The following RABGGTA variants were observed in gnomAD, a reference collection of about 807,000 sequenced individuals.
RABGGTA encodes the protein Rab geranylgeranyltransferase subunit alpha.
RABGGTA carries 69 observed loss-of-function variants against 83.3 expected under a neutral mutation model. That is an observed-to-expected ratio of 0.83 (90% CI 0.68 to 1.01). The LOEUF (loss-of-function observed/expected upper bound fraction) is 1.01. Ranked by LOEUF, RABGGTA falls within the 50% of genes least tolerant of loss-of-function variation. The pLI is 0.00. For missense variants in RABGGTA, 681 were observed against 712.7 expected, an observed-to-expected ratio of 0.96 and a Z score of 0.51; for synonymous variants, 310 against 299.8, an observed-to-expected ratio of 1.03 and a Z score of -0.35.
At chr14:24,270,303 C>T (rs771077686) in intron 4 of RABGGTA, 31 bp downstream of exon 4, 1 of 1,611,092 alleles carries the variant, frequency 6.2e-7, no homozygotes, top group African/African-American at 1.3e-5. Context: ...AGGGCCAGGG[C>T]AGTCTTCTGA....
chr14:24,267,038 T>C (rs560245502), intron 14 of RABGGTA, 149 bp from the exon 15 acceptor site: 2 of 646,406 alleles, frequency 3.1e-6, no homozygotes, highest in Non-Finnish European at 2.8e-6. Context: ...TGTGGGAAGC[T>C]GACCTTACAG....
At chr14:24,268,276 A>C in intron 11 of RABGGTA, 78 bp from the exon 12 acceptor site, 1 of 1,607,802 alleles carries the variant, frequency 6.2e-7, no homozygotes, top group Non-Finnish European at 8.5e-7. Context: ...ATCTAGACTG[A>C]AACAGCTCCT....
chr14:24,268,345 T>C (rs765946385), intron 11 of RABGGTA, 24 bp downstream of exon 11: 1 of 1,612,722 alleles, frequency 6.2e-7, no homozygotes, highest in Non-Finnish European at 8.5e-7. Flanking sequence ...CCCCTCTCCT[T>C]GTTTTGTGCT....
intron 14 of RABGGTA, 44 bp downstream of exon 14, chr14:24,267,616 C>A (rs758313709): frequency 2.0e-6 from 3 of 1,521,292 alleles, no homozygotes; most frequent in Non-Finnish European, 2.7e-6. Flanking sequence ...GTGGGGAGGC[C>A]AGCGGGATGA....
Position 24,269,108 on chromosome 14 carries a change from C to T in RABGGTA, c.687G>A (p.Trp229Ter). 2 of 1,611,520 alleles carry T rather than the reference C, an allele frequency of 1.2e-6. No individual in the cohort carries two copies. Among genetic ancestry groups the T allele is most frequent in the Non-Finnish European group, 1.7e-6 (2 of 1,178,802 alleles). ...GGCCTAGGAGCCAACGGTGATAAAA[C>T]CAGGCACTCTGGTCATTGGGGTCAG... ...FFTDPNDQSA[W>*]FYHRWLLGRA... Residue 229 changes from tryptophan to a stop codon, truncating the protein, a stop_gained, in exon 7 of 17, where the codon TGG becomes TGA. Transcript: ENST00000216840. LOFTEE classifies it high-confidence loss of function.
At chr14:24,270,717 A>T in intron 3 of RABGGTA, 120 bp downstream of exon 3, 1 of 1,393,722 alleles carries the variant, frequency 7.2e-7, no homozygotes. Flanking sequence ...AAAGTCATAC[A>T]GTTATAAGTG....
intron 15 of RABGGTA, 28 bp downstream of exon 15, chr14:24,266,748 G>T: frequency 6.4e-7 from 1 of 1,574,388 alleles, no homozygotes; most frequent in Non-Finnish European, 8.7e-7. Context: ...AACCACCCGT[G>T]ACAGGGACGG....
rs368480869 is a variant in RABGGTA at position 24,268,389 on chromosome 14, C to T, written c.1038G>A (p.Thr346=). ...GRQEGWCRDS[T]TDEQLFRCEL... is the part of the protein sequence containing the mutation. ...ACCACCTGAATAGCTGCTCGTCTGTCGTGGAGTCCCGGCACCAGCCCTCCT... is the reference window on the plus strand; with the variant it reads ...ACCACCTGAATAGCTGCTCGTCTGTTGTGGAGTCCCGGCACCAGCCCTCCT... The change falls in exon 11 of 17, where the codon ACG becomes ACA. Residue 346 remains threonine (T), a synonymous_variant. Transcript: ENST00000216840. The T allele has an allele frequency of 2.7e-5, 43 of 1,613,388 alleles. No homozygotes were observed. Among genetic ancestry groups the T allele is most frequent in the African/African-American group, 1.7e-4 (13 of 75,044 alleles).
intron 14 of RABGGTA, among the ~76,000 whole-genome samples, chr14:24,267,097 C>T (rs2040883745): frequency 6.6e-6 from 1 of 152,084 alleles, no homozygotes; most frequent in African/African-American, 2.4e-5. Flanking sequence ...AGTGGGGTAA[C>T]CAGTGGGGTG....
rs761225763 is a variant in RABGGTA, at chr14:24,268,445, G to T, written c.1007-25C>A. ...CCTGGGGAAAGAGTAGGTGGTTGGA[G>T]GGTGCACCCTTGAGAGGAAAAGAGT... On this transcript the variant is annotated intron_variant, in intron 10 of 16. Transcript: ENST00000216840. The T allele has an allele frequency of 9.9e-6, 16 of 1,613,080 alleles. No individual in the cohort carries two copies. In the East Asian group the frequency reaches 3.6e-4, roughly 36 times the overall value.
chr14:24,270,110 C>G lies in RABGGTA; in HGVS notation c.270G>C (p.Lys90Asn). 6.2e-7 allele frequency: 1 copy of G among 1,609,422 alleles called. No homozygotes were observed. Among genetic ancestry groups the G allele is most frequent in the Non-Finnish European group, 8.5e-7 (1 of 1,177,974 alleles). Residue 90 changes from lysine to asparagine, a missense_variant, in exon 5 of 17, where the codon AAG becomes AAC. This residue lies in a region of RABGGTA where 115 missense variants were observed against 111.5 expected (regional missense o/e 1.03). Coordinates refer to ENST00000216840, the MANE Select transcript of RABGGTA (RefSeq NM_182836.3). ...AGCTCTCCAGGAAGCCCAGTTCTGCCTTCACCAGAGCAGCCAACTCTTCAG... is the reference window on the plus strand; with the variant it reads ...AGCTCTCCAGGAAGCCCAGTTCTGCGTTCACCAGAGCAGCCAACTCTTCAG... ...KSPEELAALV[K>N]AELGFLESCL...
chr14:24,268,007 C>A (rs757025194), intron 12 of RABGGTA, 49 bp from the exon 13 acceptor site: 2 of 1,601,142 alleles, frequency 1.2e-6, no homozygotes, highest in South Asian at 2.2e-5. Context: ...ACCTCCTCTG[C>A]TCCCATCCTC....
At position 24,267,946 on chromosome 14, in the gene RABGGTA, G is replaced by GT; in HGVS notation, c.1159dup (p.Thr387AsnfsTer15). 1 of 1,613,824 alleles carries GT rather than the reference G, an allele frequency of 6.2e-7. No homozygotes were observed. On this transcript the variant is annotated frameshift_variant, in exon 13 of 17. Coordinates refer to ENST00000216840, the MANE Select transcript of RABGGTA (RefSeq NM_182836.3). LOFTEE classifies it high-confidence loss of function. ...CAGTGCCCGCATCAGCAGGATGATG[G>GT]TAAGCAGGCACCCTGAGGAGAGGGC...
chr14:24,266,633 C>A (rs1169072499), intron 15 of RABGGTA, 116 bp from the exon 16 acceptor site: 2 of 1,250,582 alleles, frequency 1.6e-6, no homozygotes, highest in South Asian at 2.4e-5. Context: ...CAGGGTCAGG[C>A]TGCGTGATGG....
intron 16 of RABGGTA, 103 bp downstream of exon 16, chr14:24,266,327 T>C: frequency 9.3e-7 from 1 of 1,074,478 alleles, no homozygotes; most frequent in Admixed American, 1.7e-5. Flanking sequence ...CCCTCTCTCC[T>C]GCCCTGCAAG....
chr14:24,271,261 C>A (rs1029524190), intron 1 of RABGGTA, 92 bp from the exon 2 acceptor site: 2 of 1,090,390 alleles, frequency 1.8e-6, no homozygotes, highest in Non-Finnish European at 2.6e-6. Context: ...GGGCAGAGAC[C>A]CCCAGAGTGT....
At position 24,266,281 on chromosome 14, in the gene RABGGTA, C is replaced by A. The variant is rs1347091891; in HGVS notation, c.1555+149G>T. On this transcript the variant is annotated intron_variant, in intron 16 of 16. Transcript: ENST00000216840. The stretch of plus-strand genomic sequence containing the variant: ...TGCAGGTCAGTGATAGCCCGACAGC[C>A]CCAGGCTCTCCCCCTTCAACTCACA... 9.8e-6 allele frequency: 7 copies of A among 713,590 alleles called. No homozygotes were observed. In the East Asian group the frequency reaches 1.6e-4, roughly 16 times the overall value. The allele number at this position is 713,590 out of a possible 1,614,324, so 44.2% of individuals were successfully genotyped here.
chr14:24,270,479 G>T, intron 3 of RABGGTA, 21 bp from the exon 4 acceptor site: 1 of 1,613,374 alleles, frequency 6.2e-7, no homozygotes, highest in Non-Finnish European at 8.5e-7. Context: ...AGGTGGCAGG[G>T]TTAGAGATCA....
chr14:24,268,910 C>A lies in RABGGTA; in HGVS notation c.798+1G>T. 1.3e-6 allele frequency: 2 copies of A among 1,582,620 alleles called. No homozygotes were observed. The highest frequency in any genetic ancestry group is 1.7e-6 in the Non-Finnish European group (2 of 1,163,796). ...CTCTTGACAAAAGCTGCAGGACTCA[C>A]TAAGAGGGGCCGAGAGAAGGAGACA... On this transcript the variant is annotated splice_donor_variant, in intron 8 of 16. Coordinates refer to ENST00000216840, the MANE Select transcript of RABGGTA (RefSeq NM_182836.3). LOFTEE classifies it high-confidence loss of function.
Sources: gnomAD v4.1 joint callset for allele counts (sites outside exome capture counted in the v4.1 genomes callset) on GRCh38, gnomAD v4.1.1 for gene constraint, gnomAD v4.1.1 regional missense constraint, MANE v1.5 for transcripts, NCBI Gene and HGNC (gene_info 2026-07-23, HGNC 2026-07-21) for gene names.